CDH2: variants seen among roughly 807,000 people sequenced by gnomAD.
CDH2 encodes cadherin 2.
In CDH2, 17 loss-of-function variants were observed where a neutral mutation model predicts 92.0. The observed-to-expected ratio is 0.18, with a 90% CI of 0.13 to 0.28. The LOEUF is 0.28. Ranked by LOEUF, CDH2 falls within the 10% of genes least tolerant of loss-of-function variation. The probability of loss-of-function intolerance (pLI) is 1.00; values close to 1 mark genes in which losing one functional copy is unlikely to be tolerated. For missense variants in CDH2, 862 were observed against 1,133.1 expected (o/e 0.76, Z 3.44); for synonymous variants, 419 against 415.9 (o/e 1.01, Z -0.09).
chr18:27,999,280 G>A (rs565505458), intron 7 of CDH2, among the ~76,000 whole-genome samples: 12 of 152,244 alleles, frequency 7.9e-5, no homozygotes, highest in Non-Finnish European at 1.6e-4. Context: ...TTGGGGCCAA[G>A]GTCACAGAGG....
chr18:28,158,765 A>G (rs896946013), intron 1 of CDH2, among the ~76,000 whole-genome samples: 1 of 152,224 alleles, frequency 6.6e-6, no homozygotes, highest in African/African-American at 2.4e-5. Flanking sequence ...AGGCTATGTT[A>G]TGTGTGATAC....
intron 2 of CDH2, among the ~76,000 whole-genome samples, chr18:28,035,380 A>G (rs1203803309): frequency 6.6e-6 from 1 of 151,988 alleles, no homozygotes; most frequent in Non-Finnish European, 1.5e-5. Context: ...AGAATTTAAA[A>G]CAAGCAACTT....
At chr18:28,044,725 T>G (rs1227103730) in intron 2 of CDH2, among the ~76,000 whole-genome samples, 1 of 152,076 alleles carries the variant, frequency 6.6e-6, no homozygotes, top group Non-Finnish European at 1.5e-5. Flanking sequence ...TGCTAATTAT[T>G]AGATGTGGAA....
intron 2 of CDH2, among the ~76,000 whole-genome samples, chr18:28,079,405 T>C (rs2014784645): frequency 6.6e-6 from 1 of 152,208 alleles, no homozygotes; most frequent in Non-Finnish European, 1.5e-5. Flanking sequence ...TAGTCCTGTC[T>C]ATAAAGAATC....
chr18:27,973,780 G>A (rs528584641), intron 14 of CDH2, among the ~76,000 whole-genome samples: 1 of 152,178 alleles, frequency 6.6e-6, no homozygotes, highest in South Asian at 2.1e-4. Context: ...CCACTTCTAG[G>A]CCTGGCCCAT....
intron 2 of CDH2, among the ~76,000 whole-genome samples, chr18:28,106,055 T>C (rs2015315069): frequency 6.6e-6 from 1 of 152,236 alleles, no homozygotes; most frequent in Non-Finnish European, 1.5e-5. Flanking sequence ...AGGCAGTTAA[T>C]GTGAGATTCT....
chr18:27,957,274 G>C (rs762971280), intron 15 of CDH2, among the ~76,000 whole-genome samples: 4 of 151,430 alleles, frequency 2.6e-5, no homozygotes, highest in Non-Finnish European at 5.9e-5. Context: ...TTAGAGACAG[G>C]GTCTCACTCT....
intron 2 of CDH2, among the ~76,000 whole-genome samples, chr18:28,044,065 A>T (rs1228138074): frequency 6.6e-6 from 1 of 151,896 alleles, no homozygotes; most frequent in African/African-American, 2.4e-5. Context: ...GGCACCTGCC[A>T]CCACGCCCAG....
At chr18:28,110,661 T>C (rs1353312888) in intron 2 of CDH2, among the ~76,000 whole-genome samples, 1 of 152,132 alleles carries the variant, frequency 6.6e-6, no homozygotes, top group Non-Finnish European at 1.5e-5. Flanking sequence ...GGATTTCTTT[T>C]TGCCACTAAA....
At chr18:28,001,985 C>T (rs905926744) in intron 7 of CDH2, among the ~76,000 whole-genome samples, 4 of 152,224 alleles carry the variant, frequency 2.6e-5, no homozygotes, top group Non-Finnish European at 5.9e-5. Flanking sequence ...AAAGCTGGCT[C>T]AGCCAGAAAT....
rs1413760613 is a variant in CDH2, at chr18:28,025,704, A to G, written c.173-11795T>C. Reference sequence around the variant, plus strand: ...GTACTACAGTGATCAAATCAGGGTAATTACCATAGCCATCACTTTAAATAT... The same window carrying G: ...GTACTACAGTGATCAAATCAGGGTAGTTACCATAGCCATCACTTTAAATAT... On this transcript the variant is annotated intron_variant, in intron 2 of 15. Coordinates refer to ENST00000269141, the MANE Select transcript of CDH2 (RefSeq NM_001792.5). Among the ~76,000 whole-genome samples the G allele has an allele frequency of 4.0e-5, 6 of 151,662 alleles. No individual in the cohort carries two copies. The East Asian group carries it at 1.2e-3, about 29-fold the overall frequency.
At chr18:27,967,266 T>C (rs762486177) in intron 14 of CDH2, among the ~76,000 whole-genome samples, 1 of 152,112 alleles carries the variant, frequency 6.6e-6, no homozygotes, top group Non-Finnish European at 1.5e-5. Flanking sequence ...GGCCACAGGG[T>C]GGGCTCTTCT....
intron 2 of CDH2, among the ~76,000 whole-genome samples, chr18:28,027,689 T>A (rs2013591722): frequency 6.6e-6 from 1 of 152,270 alleles, no homozygotes; most frequent in Admixed American, 6.5e-5. Context: ...CTTGTATACA[T>A]TCTAATAACT....
At chr18:28,117,225 T>G (rs2015509820) in intron 2 of CDH2, among the ~76,000 whole-genome samples, 1 of 152,146 alleles carries the variant, frequency 6.6e-6, no homozygotes, top group Admixed American at 6.6e-5. Flanking sequence ...TAAGATTAAC[T>G]GAGACTGGAT....
intron 5 of CDH2, among the ~76,000 whole-genome samples, chr18:28,008,638 T>C (rs2013009579): frequency 6.6e-6 from 1 of 151,872 alleles, no homozygotes; most frequent in Non-Finnish European, 1.5e-5. Context: ...GAGAAATACC[T>C]AATGTAAATG....
At chr18:27,962,719 A>AAACTT (rs1401239016) in intron 15 of CDH2, among the ~76,000 whole-genome samples, 1 of 152,230 alleles carries the variant, frequency 6.6e-6, no homozygotes, top group Non-Finnish European at 1.5e-5. Context: ...TTGAACTTCA[A>AAACTT]AACTTAAATG....
intron 2 of CDH2, among the ~76,000 whole-genome samples, chr18:28,111,850 T>A (rs967739651): frequency 3.4e-4 from 52 of 152,172 alleles, no homozygotes; most frequent in African/African-American, 1.2e-3. Context: ...CTGAACTGAA[T>A]AAGAATAAAT....
intron 5 of CDH2, among the ~76,000 whole-genome samples, chr18:28,007,165 A>AAAAAAAAATATATATATATATAT (rs1172779200): frequency 3.6e-5 from 4 of 110,464 alleles, no homozygotes; most frequent in Non-Finnish European, 5.1e-5. Flanking sequence ...ATAAAAAAAA[A>AAAAAAAAATATATATATATATAT]ATATATATAT....
chr18:28,005,850 A>G lies in CDH2; in HGVS notation c.846T>C (p.Pro282=), dbSNP rs200547719. 19 of 1,608,328 alleles carry G rather than the reference A, an allele frequency of 1.2e-5. No homozygotes were observed. The highest frequency in any genetic ancestry group is 1.5e-5 in the Non-Finnish European group (18 of 1,176,582). The stretch of plus-strand genomic sequence containing the variant: ...TCAAATTATTATCTTTAAACTTACC[A>G]GGCTTTGATCCCTCAGGAACTGTCC... ...WNGTVPEGSK[P]GTYVMTVTAI... The change falls in exon 6 of 16, where the codon CCT becomes CCC. Residue 282 remains proline, a splice_region_variant and synonymous_variant. Transcript: ENST00000269141.
Sources: allele counts gnomAD v4.1 joint callset (sites outside exome capture counted in the v4.1 genomes callset), GRCh38; gene constraint gnomAD v4.1.1; transcripts MANE v1.5; gene names NCBI Gene and HGNC (gene_info 2026-07-23, HGNC 2026-07-21).